LIX1: variants seen among roughly 807,000 people sequenced by gnomAD.
LIX1 encodes the protein protein limb expression 1 homolog.
A neutral mutation model predicts 33.4 loss-of-function variants in LIX1; 24 were observed. The ratio of observed to expected loss-of-function variants is 0.72; its 90% CI spans 0.52 to 1.01. LIX1 has a LOEUF of 1.01. LIX1 is among the 50% of genes least tolerant of loss of function. LIX1 has a pLI of 0.00. For missense variants in LIX1, 311 were observed against 339.2 expected, an observed-to-expected ratio of 0.92 and a Z score of 0.65; for synonymous variants, 124 against 124.0, an observed-to-expected ratio of 1.00 and a Z score of 0.00.
chr5:97,124,669 A>G, intron 1 of LIX1, 40 bp from the exon 2 acceptor site: 4 of 1,557,934 alleles, frequency 2.6e-6, no homozygotes, highest in Middle Eastern at 1.8e-4. Flanking sequence ...TTAAGGATGG[A>G]CATAATCTGG....
chr5:97,104,584 A>G (rs1746911789), intron 4 of LIX1, among the ~76,000 whole-genome samples: 1 of 152,248 alleles, frequency 6.6e-6, no homozygotes, highest in East Asian at 1.9e-4. Flanking sequence ...CACGGGCCAA[A>G]GTAAGCATCC....
intron 2 of LIX1, among the ~76,000 whole-genome samples, chr5:97,123,819 G>A (rs956634367): frequency 1.1e-4 from 16 of 152,140 alleles, no homozygotes; most frequent in Non-Finnish European, 1.9e-4. Flanking sequence ...GGTTCCCTAT[G>A]CTAAGAGTGT....
intron 1 of LIX1, among the ~76,000 whole-genome samples, chr5:97,131,208 G>C (rs1429226116): frequency 6.6e-6 from 1 of 152,114 alleles, no homozygotes; most frequent in Non-Finnish European, 1.5e-5. Flanking sequence ...GCTTCAGCCT[G>C]GACAGTCTCA....
chr5:97,112,373 C>T lies in LIX1; in HGVS notation c.247-4873G>A, dbSNP rs144099088. 3.3e-4 allele frequency among the ~76,000 whole-genome samples: 50 copies of T among 152,266 alleles called. No homozygotes were observed. In the East Asian group the frequency reaches 8.7e-3, roughly 26 times the overall value. On this transcript the variant is annotated intron_variant, in intron 2 of 5. Transcript: ENST00000274382. ...GTGACAGGACATTTTATGGATGTGTCCAAACCAGTCGTCAAAGACATCGGT... is the reference window on the plus strand; with the variant it reads ...GTGACAGGACATTTTATGGATGTGTTCAAACCAGTCGTCAAAGACATCGGT...
intron 2 of LIX1, among the ~76,000 whole-genome samples, chr5:97,123,866 A>G (rs1344075200): frequency 1.3e-5 from 2 of 152,114 alleles, no homozygotes; most frequent in Non-Finnish European, 2.9e-5. Context: ...GACATCATCA[A>G]CTGAATGCCT....
chr5:97,100,569 C>T (rs553121994), intron 4 of LIX1, among the ~76,000 whole-genome samples: 1 of 152,148 alleles, frequency 6.6e-6, no homozygotes, highest in Admixed American at 6.5e-5. Flanking sequence ...ACCAAATTCA[C>T]TCTCTTCACA....
intron 3 of LIX1, among the ~76,000 whole-genome samples, chr5:97,106,455 G>T (rs976323450): frequency 6.6e-6 from 1 of 152,164 alleles, no homozygotes; most frequent in East Asian, 1.9e-4. Flanking sequence ...ATCATCATCA[G>T]CTTCGCCAGA....
intron 1 of LIX1, among the ~76,000 whole-genome samples, chr5:97,130,562 A>G (rs1238401427): frequency 2.0e-5 from 3 of 152,296 alleles, no homozygotes; most frequent in South Asian, 2.1e-4. Context: ...GCTGAGCAAC[A>G]CTTCTGGTTC....
chr5:97,095,103 C>T (rs1042240447), intron 5 of LIX1, 68 bp from the exon 6 acceptor site: 3 of 1,402,106 alleles, frequency 2.1e-6, no homozygotes, highest in African/African-American at 2.9e-5. Context: ...CACATGCCTC[C>T]CCCTGCTTCC....
intron 2 of LIX1, among the ~76,000 whole-genome samples, chr5:97,119,350 T>A (rs1747722207): frequency 6.6e-6 from 1 of 152,208 alleles, no homozygotes; most frequent in Non-Finnish European, 1.5e-5. Context: ...GCTCTTATAG[T>A]CCAACTGCTG....
chr5:97,111,139 C>T (rs541866081), intron 2 of LIX1, among the ~76,000 whole-genome samples: 2 of 152,250 alleles, frequency 1.3e-5, no homozygotes, highest in Admixed American at 1.3e-4. Flanking sequence ...TAATGCTCTG[C>T]TCCCACCGTC....
chr5:97,094,769 C>A lies in LIX1; in HGVS notation c.828G>T (p.Thr276=). Residue 276 remains threonine, a synonymous_variant, in exon 6 of 6, where the codon ACG becomes ACT. Coordinates refer to ENST00000274382, the MANE Select transcript of LIX1 (RefSeq NM_153234.5). ...SSPSDDQLSL[T]ALCGYH ...CTTGCTAGTGATAGCCACACAGGGC[C>A]GTAAGGCTCAGCTGATCATCACTGG... is the stretch of plus-strand genomic sequence containing the variant. 6.2e-7 allele frequency: 1 copy of A among 1,614,070 alleles called. No individual in the cohort carries two copies. The highest frequency in any genetic ancestry group is 8.5e-7 in the Non-Finnish European group (1 of 1,179,980).
chr5:97,134,488 C>T (rs931476309), intron 1 of LIX1, among the ~76,000 whole-genome samples: 1 of 152,248 alleles, frequency 6.6e-6, no homozygotes, highest in African/African-American at 2.4e-5. Context: ...TTTAATATAA[C>T]CTTTAATTAA....
intron 2 of LIX1, among the ~76,000 whole-genome samples, chr5:97,120,990 T>C (rs1747768831): frequency 6.6e-6 from 1 of 152,166 alleles, no homozygotes; most frequent in African/African-American, 2.4e-5. Context: ...CTTTAATGCT[T>C]AGTGTGGTGT....
chr5:97,130,125 G>T (rs554483237), intron 1 of LIX1, among the ~76,000 whole-genome samples: 1 of 152,178 alleles, frequency 6.6e-6, no homozygotes, highest in Admixed American at 6.5e-5. Flanking sequence ...CTCAGGAGGG[G>T]CTGTGACTGA....
intron 2 of LIX1, among the ~76,000 whole-genome samples, chr5:97,115,767 A>AT (rs960933605): frequency 1.3e-5 from 2 of 151,990 alleles, no homozygotes; most frequent in African/African-American, 4.8e-5. Context: ...AAAAAAAAAA[A>AT]AAAAGAACAG....
chr5:97,136,116 G>T (rs1201306725), intron 1 of LIX1, among the ~76,000 whole-genome samples: 1 of 152,188 alleles, frequency 6.6e-6, no homozygotes, highest in Non-Finnish European at 1.5e-5. Context: ...CTCACAGTCG[G>T]GGGTAGATCT....
intron 4 of LIX1, among the ~76,000 whole-genome samples, chr5:97,099,925 C>G (rs771300365): frequency 6.6e-6 from 1 of 152,198 alleles, no homozygotes; most frequent in East Asian, 1.9e-4. Flanking sequence ...GACACATATA[C>G]TGGATTTATT....
chr5:97,129,857 T>C (rs1205459933), intron 1 of LIX1, among the ~76,000 whole-genome samples: 1 of 152,236 alleles, frequency 6.6e-6, no homozygotes, highest in Non-Finnish European at 1.5e-5. Flanking sequence ...CTGTTGGTAG[T>C]GTAGGCATGA....
Sources: allele counts gnomAD v4.1 joint callset (sites outside exome capture counted in the v4.1 genomes callset), GRCh38; gene constraint gnomAD v4.1.1; transcripts MANE v1.5; gene names NCBI Gene and HGNC (gene_info 2026-07-23, HGNC 2026-07-21).